The following PPP2R2B variants were observed in gnomAD, a reference collection of about 807,000 sequenced individuals.
The protein encoded by PPP2R2B is protein phosphatase 2 regulatory subunit Bbeta.
PPP2R2B carries 5 observed loss-of-function variants against 46.0 expected under a neutral mutation model. That is an observed-to-expected ratio of 0.11 (90% CI 0.06 to 0.23). PPP2R2B has a LOEUF of 0.23. Among genes scored for constraint, PPP2R2B ranks in the 10% least tolerant of loss-of-function variants. PPP2R2B has a pLI of 1.00. For missense variants in PPP2R2B, 367 were observed against 575.0 expected (o/e 0.64, Z 3.70); for synonymous variants, 215 against 206.7 (o/e 1.04, Z -0.34).
chr5:146,745,208 A>AG (rs1463606713), intron 2 of PPP2R2B, among the ~76,000 whole-genome samples: 474 of 26,720 alleles, frequency 0.018, 21 homozygotes, highest in East Asian at 0.048. Flanking sequence ...GAGAGAGAGA[A>AG]AGAGACTATA....
chr5:146,785,714 G>A (rs1197260891), intron 2 of PPP2R2B, among the ~76,000 whole-genome samples: 2 of 152,102 alleles, frequency 1.3e-5, no homozygotes, highest in African/African-American at 4.8e-5. Flanking sequence ...GATAAGTTTT[G>A]GAAGTAAATC....
intron 2 of PPP2R2B, among the ~76,000 whole-genome samples, chr5:146,869,503 C>T (rs1761491694): frequency 1.3e-5 from 2 of 152,122 alleles, no homozygotes; most frequent in South Asian, 2.1e-4. Context: ...ATCTTGAAGA[C>T]GTATCACTAG....
At chr5:146,758,542 A>G (rs1753972495) in intron 2 of PPP2R2B, among the ~76,000 whole-genome samples, 1 of 152,188 alleles carries the variant, frequency 6.6e-6, no homozygotes, top group Admixed American at 6.5e-5. Context: ...TTCACGAGCT[A>G]TATTTCATTA....
intron 1 of PPP2R2B, among the ~76,000 whole-genome samples, chr5:147,021,630 G>T (rs1362123709): frequency 6.6e-6 from 1 of 152,164 alleles, no homozygotes; most frequent in East Asian, 1.9e-4. Context: ...TAGCCACAGG[G>T]TGATAGCTAA....
At chr5:147,017,350 G>A (rs990811948) in intron 1 of PPP2R2B, among the ~76,000 whole-genome samples, 2 of 151,572 alleles carry the variant, frequency 1.3e-5, no homozygotes, top group Non-Finnish European at 2.9e-5. Context: ...GTGGGAGGGA[G>A]ATGACAGTTC....
At chr5:147,054,715 C>T in intron 1 of PPP2R2B, 1 of 456,100 alleles carries the variant, frequency 2.2e-6, no homozygotes, top group Non-Finnish European at 4.4e-6. Flanking sequence ...CAGCTCAGTT[C>T]CAAGAGAGTG....
At chr5:146,698,915 C>G (rs759192235) in intron 3 of PPP2R2B, among the ~76,000 whole-genome samples, 20 of 150,906 alleles carry the variant, frequency 1.3e-4, no homozygotes, top group Non-Finnish European at 2.5e-4. Context: ...GAATTAAACA[C>G]AAGGGCAAGG....
At chr5:146,850,158 G>A (rs1304587873) in intron 2 of PPP2R2B, among the ~76,000 whole-genome samples, 1 of 152,090 alleles carries the variant, frequency 6.6e-6, no homozygotes, top group Admixed American at 6.6e-5. Flanking sequence ...TTATACCATG[G>A]GGGAGCTCAT....
At position 146,782,142 on chromosome 5, in the gene PPP2R2B, C is replaced by G. The variant is rs532827177; in HGVS notation, c.71-81000G>C. Among the ~76,000 whole-genome samples the G allele has an allele frequency of 2.6e-5, 4 of 152,250 alleles. No homozygotes were observed. In the South Asian group the frequency reaches 8.3e-4, roughly 32 times the overall value. On this transcript the variant is annotated intron_variant, in intron 2 of 9. Coordinates refer to ENST00000394411, the MANE Select transcript of PPP2R2B (RefSeq NM_181675.4). The stretch of plus-strand genomic sequence containing the variant: ...AAGTTTCCTGAGGCCTCCCCAGGAG[C>G]TGAGGAGATGCTAGCATCACGCTTC...
chr5:147,042,182 C>T (rs922948461), intron 1 of PPP2R2B, among the ~76,000 whole-genome samples: 9 of 152,132 alleles, frequency 5.9e-5, no homozygotes, highest in Non-Finnish European at 1.0e-4. Flanking sequence ...ATCCTTTTAA[C>T]TTTTTGCCTA....
intron 2 of PPP2R2B, among the ~76,000 whole-genome samples, chr5:146,866,970 T>G (rs192501777): frequency 6.3e-4 from 96 of 152,338 alleles, no homozygotes; most frequent in African/African-American, 2.1e-3. Flanking sequence ...CTTCTGCTCC[T>G]TCAGGTTGAG....
chr5:146,734,056 G>GTTT (rs201448902), intron 2 of PPP2R2B, among the ~76,000 whole-genome samples: 3 of 142,534 alleles, frequency 2.1e-5, no homozygotes, highest in Non-Finnish European at 4.7e-5. Context: ...AATGAGTTAG[G>GTTT]TTTTTTTTTT....
At chr5:147,045,304 T>C (rs1756494812) in intron 1 of PPP2R2B, among the ~76,000 whole-genome samples, 2 of 152,204 alleles carry the variant, frequency 1.3e-5, no homozygotes, top group South Asian at 2.1e-4. Context: ...TCAAATTGTA[T>C]TTTTACTGAA....
At chr5:147,011,110 C>T (rs1754709605) in intron 1 of PPP2R2B, among the ~76,000 whole-genome samples, 3 of 152,162 alleles carry the variant, frequency 2.0e-5, no homozygotes, top group Non-Finnish European at 4.4e-5. Flanking sequence ...CCACTCCAAC[C>T]ACTTGGCCTC....
At chr5:146,976,350 T>C (rs1752905574) in intron 1 of PPP2R2B, among the ~76,000 whole-genome samples, 1 of 152,006 alleles carries the variant, frequency 6.6e-6, no homozygotes, top group South Asian at 2.1e-4. Context: ...TTGGCCAGGC[T>C]GGTCTCGAAC....
upstream of PPP2R2B, among the ~76,000 whole-genome samples, chr5:147,056,625 G>A (rs921499836): frequency 2.6e-5 from 4 of 152,216 alleles, no homozygotes; most frequent in African/African-American, 7.2e-5. Context: ...GTTGATACAA[G>A]GATTACACAA....
At chr5:146,816,387 G>A (rs753757430) in intron 2 of PPP2R2B, among the ~76,000 whole-genome samples, 1 of 152,152 alleles carries the variant, frequency 6.6e-6, no homozygotes, top group Non-Finnish European at 1.5e-5. Flanking sequence ...ACAACAGAGT[G>A]AGACTATCTC....
At chr5:146,959,343 A>G (rs930189634) in intron 1 of PPP2R2B, among the ~76,000 whole-genome samples, 1 of 152,158 alleles carries the variant, frequency 6.6e-6, no homozygotes, top group Non-Finnish European at 1.5e-5. Context: ...GGATTGAGAC[A>G]TAATCCCTGC....
At chr5:146,879,068 C>T, upstream of PPP2R2B, 1 of 326,970 alleles carries the variant, frequency 3.1e-6, no homozygotes, top group Non-Finnish European at 4.8e-6. Context: ...AACTTGAGAA[C>T]AGCAAAGAGA....
Sources: gnomAD v4.1 joint callset for allele counts (sites outside exome capture counted in the v4.1 genomes callset) on GRCh38, gnomAD v4.1.1 for gene constraint, MANE v1.5 for transcripts, NCBI Gene and HGNC (gene_info 2026-07-23, HGNC 2026-07-21) for gene names.